The following ARHGAP6 variants were observed in gnomAD, a reference collection of about 807,000 sequenced individuals.
ARHGAP6 encodes the protein rho GTPase-activating protein 6.
Under a neutral mutation model 55.7 loss-of-function variants are expected in ARHGAP6, and 16 were observed. The ratio of observed to expected loss-of-function variants is 0.29; its 90% CI spans 0.19 to 0.44. The LOEUF (loss-of-function observed/expected upper bound fraction) is 0.44. ARHGAP6 is among the 20% of genes least tolerant of loss of function. ARHGAP6 has a pLI of 1.00. For synonymous variants in ARHGAP6, 382 were observed against 360.9 expected, an observed-to-expected ratio of 1.06 and a Z score of -0.66; for missense variants, 698 against 808.9, an observed-to-expected ratio of 0.86 and a Z score of 1.66.
intron 1 of ARHGAP6, among the ~76,000 whole-genome samples, chrX:11,355,841 C>T (rs1464514248): frequency 7.2e-5 from 8 of 111,118 alleles, no homozygotes; most frequent in African/African-American, 1.6e-4. Flanking sequence ...GAGCAGTTTA[C>T]GGCTGGCTTT....
chrX:11,578,415 T>C (rs7886869), intron 1 of ARHGAP6, among the ~76,000 whole-genome samples: 31,450 of 111,298 alleles, frequency 0.28, 3,449 homozygotes, highest in Middle Eastern at 0.39. Flanking sequence ...ATGCAGCCAA[T>C]AGACACATGA....
At chrX:11,188,619 C>T in intron 4 of ARHGAP6, 109 bp downstream of exon 4, 2 of 1,064,007 alleles carry the variant, frequency 1.9e-6, no homozygotes, top group Non-Finnish European at 2.5e-6. Flanking sequence ...TGACAGATAC[C>T]TGAACACCAA....
intron 1 of ARHGAP6, among the ~76,000 whole-genome samples, chrX:11,583,387 C>T (rs1395343895): frequency 1.8e-5 from 2 of 112,014 alleles, no homozygotes; most frequent in Non-Finnish European, 3.8e-5. Context: ...CAAAATAAGC[C>T]ACAAGGGCTA....
At chrX:11,497,667 G>C in intron 1 of ARHGAP6, among the ~76,000 whole-genome samples, 1 of 107,859 alleles carries the variant, frequency 9.3e-6, no homozygotes, top group East Asian at 2.9e-4. Context: ...GAATCTGTCA[G>C]CACCTTGATT....
At chrX:11,179,525 G>A (rs2046282947) in intron 6 of ARHGAP6, 73 bp from the exon 7 acceptor site, 2 of 1,110,595 alleles carry the variant, frequency 1.8e-6, no homozygotes, top group Non-Finnish European at 2.4e-6. Flanking sequence ...CAGGAGAAGT[G>A]CTGTGACACG....
intron 1 of ARHGAP6, among the ~76,000 whole-genome samples, chrX:11,320,886 A>G (rs746412123): frequency 9.1e-6 from 1 of 110,335 alleles, no homozygotes; most frequent in East Asian, 2.8e-4. Context: ...ATACACCTAC[A>G]TATACACACA....
chrX:11,356,011 C>A (rs777059456), intron 1 of ARHGAP6, among the ~76,000 whole-genome samples: 8 of 111,860 alleles, frequency 7.2e-5, no homozygotes, highest in Admixed American at 5.7e-4. Flanking sequence ...GCCCTATGGT[C>A]TAATCCATTC....
chrX:11,139,061 G>A lies in ARHGAP6; in HGVS notation c.2727C>T (p.Asp909=). The A allele has an allele frequency of 9.1e-6, 11 of 1,205,306 alleles. No individual in the cohort carries two copies. The South Asian group carries it at 2.0e-4, about 21-fold the overall frequency. The part of the protein sequence containing the change: ...GPPEGVETPT[D]QGGQAAEREQ... The stretch of plus-strand genomic sequence containing the variant: ...CTCGCTCGGCTGCTTGGCCTCCCTG[G>A]TCCGTGGGTGTCTCCACGCCTTCCG... Residue 909 remains aspartate (D), a synonymous_variant, in exon 13 of 13, where the codon GAC becomes GAT. Transcript: ENST00000337414.
At chrX:11,206,363 A>G (rs1312329642) in intron 2 of ARHGAP6, among the ~76,000 whole-genome samples, 1 of 112,165 alleles carries the variant, frequency 8.9e-6, no homozygotes, top group Non-Finnish European at 1.9e-5. Flanking sequence ...ATCAAATTAA[A>G]CTTGTAAGTA....
In ARHGAP6 at chrX:11,139,180, G is replaced by A; in HGVS notation, c.2608C>T (p.Pro870Ser). 1 of 1,206,759 alleles carries A rather than the reference G, an allele frequency of 8.3e-7. No homozygotes were observed. Among genetic ancestry groups the A allele is most frequent in the Non-Finnish European group, 1.1e-6 (1 of 894,154 alleles). ...TTGTCATCCCTCCCACTCCCATGGG[G>A]TCTTTGGCACTGAGGTGTGGCCCGG... ...QSRATPQCQR[P>S]HGSGRDDKRP... is the part of the protein sequence containing the mutation. Residue 870 changes from proline to serine, a missense_variant, in exon 13 of 13, where the codon CCC becomes TCC. Coordinates refer to ENST00000337414, the MANE Select transcript of ARHGAP6 (RefSeq NM_013427.3).
chrX:11,203,652 G>A (rs2046664983), intron 2 of ARHGAP6, among the ~76,000 whole-genome samples: 1 of 111,997 alleles, frequency 8.9e-6, no homozygotes, highest in South Asian at 3.7e-4. Flanking sequence ...GTTTACAGAT[G>A]TTTTTCTGGG....
At chrX:11,338,092 G>C (rs1026665206) in intron 1 of ARHGAP6, among the ~76,000 whole-genome samples, 3 of 111,112 alleles carry the variant, frequency 2.7e-5, no homozygotes, top group Admixed American at 9.6e-5. Context: ...AGCCATTTAT[G>C]AGGGATCCAT....
At chrX:11,139,576 A>G in intron 12 of ARHGAP6, 46 bp from the exon 13 acceptor site, 1 of 1,099,468 alleles carries the variant, frequency 9.1e-7, no homozygotes, top group South Asian at 2.4e-5. Context: ...AGTTTGTAGA[A>G]TCCTTGCTGG....
intron 1 of ARHGAP6, among the ~76,000 whole-genome samples, chrX:11,374,742 T>TA (rs1286047803): frequency 8.9e-6 from 1 of 112,348 alleles, no homozygotes; most frequent in African/African-American, 3.2e-5. Context: ...AAAAGGGCTT[T>TA]CTTTGTCTGA....
chrX:11,184,838 G>A (rs1410089283), intron 5 of ARHGAP6, among the ~76,000 whole-genome samples: 1 of 111,706 alleles, frequency 9.0e-6, no homozygotes, highest in African/African-American at 3.3e-5. Context: ...AGCTTCCAAA[G>A]TGATAGAAGC....
chrX:11,218,887 TG>T (rs1163289026), intron 2 of ARHGAP6, among the ~76,000 whole-genome samples: 15 of 109,956 alleles, frequency 1.4e-4, no homozygotes, highest in Non-Finnish European at 2.3e-4. Context: ...CAGTCTATTT[TG>T]TTTTTTTTTT....
intron 1 of ARHGAP6, among the ~76,000 whole-genome samples, chrX:11,440,854 C>A (rs1450053109): frequency 8.9e-6 from 1 of 112,211 alleles, no homozygotes; most frequent in African/African-American, 3.2e-5. Context: ...CATCAGGAAT[C>A]AATTACAATG....
intron 1 of ARHGAP6, among the ~76,000 whole-genome samples, chrX:11,475,312 G>T (rs931944688): frequency 9.0e-6 from 1 of 110,545 alleles, no homozygotes; most frequent in Non-Finnish European, 1.9e-5. Context: ...TAAATGTCTT[G>T]ATATGAACCT....
intron 1 of ARHGAP6, among the ~76,000 whole-genome samples, chrX:11,597,495 A>C (rs976363613): frequency 8.9e-6 from 1 of 111,780 alleles, no homozygotes; most frequent in African/African-American, 3.3e-5. Flanking sequence ...GTGATAGTAG[A>C]GTATTGAATC....
Sources: allele counts gnomAD v4.1 joint callset (sites outside exome capture counted in the v4.1 genomes callset), GRCh38; gene constraint gnomAD v4.1.1; transcripts MANE v1.5; gene names NCBI Gene and HGNC (gene_info 2026-07-23, HGNC 2026-07-21).